Variants in TMEM63C observed in about 807,000 individuals in gnomAD.
TMEM63C encodes transmembrane protein 63C, also known as osmosensitive cation channel TMEM63C.
In TMEM63C, 32 loss-of-function variants were observed where a neutral mutation model predicts 99.2. That is an observed-to-expected ratio of 0.32 (90% CI 0.24 to 0.43). The LOEUF is 0.43. TMEM63C is among the 20% of genes least tolerant of loss of function. TMEM63C has a pLI of 1.00. For missense variants in TMEM63C, 826 were observed against 1,053.0 expected (o/e 0.78, Z 2.98); for synonymous variants, 376 against 397.9 (o/e 0.94, Z 0.66).
At chr14:77,251,372 C>G (rs1225885169) in intron 21 of TMEM63C, among the ~76,000 whole-genome samples, 1 of 152,168 alleles carries the variant, frequency 6.6e-6, no homozygotes, top group African/African-American at 2.4e-5. Flanking sequence ...TCTAGATTCC[C>G]TCTCTGTGCC....
At chr14:77,219,297 C>T (rs1888647738) in intron 3 of TMEM63C, among the ~76,000 whole-genome samples, 1 of 152,184 alleles carries the variant, frequency 6.6e-6, no homozygotes, top group African/African-American at 2.4e-5. Context: ...TCTGAGCATC[C>T]ACTCTGTGCC....
intron 1 of TMEM63C, among the ~76,000 whole-genome samples, chr14:77,201,847 G>A (rs1022079416): frequency 6.6e-6 from 1 of 152,344 alleles, no homozygotes; most frequent in Admixed American, 6.5e-5. Flanking sequence ...CCTGGGGCTG[G>A]GCCCCCAGGA....
chr14:77,194,497 C>G (rs1888172891), intron 1 of TMEM63C, among the ~76,000 whole-genome samples: 1 of 114,684 alleles, frequency 8.7e-6, no homozygotes, highest in Non-Finnish European at 1.8e-5. Flanking sequence ...TTTCTTTTTT[C>G]TTTCTTTCTT....
At chr14:77,195,989 G>C (rs558362633) in intron 1 of TMEM63C, 409 of 153,778 alleles carry the variant, frequency 2.7e-3, no homozygotes, top group Non-Finnish European at 4.5e-3. Context: ...CCTGGGCTTG[G>C]GAAGGAGCTG....
Position 77,231,546 on chromosome 14 carries a change from G to A in TMEM63C, c.351-42G>A, listed in dbSNP as rs375355322. On this transcript the variant is annotated intron_variant, in intron 6 of 23. Coordinates refer to ENST00000298351, the MANE Select transcript of TMEM63C (RefSeq NM_020431.4). ...CCTCCCCGCAACAAGTGGTGGCCAC[G>A]CTGGCTCCTGAGGCACGTCCTTGTC... 3.6e-5 allele frequency: 55 copies of A among 1,547,702 alleles called. No homozygotes were observed. The African/African-American group carries it at 4.4e-4, about 12-fold the overall frequency.
At chr14:77,191,525 C>CT (rs1888106433) in intron 1 of TMEM63C, among the ~76,000 whole-genome samples, 2 of 112,924 alleles carry the variant, frequency 1.8e-5, no homozygotes, top group African/African-American at 3.2e-5. Context: ...TCTTTCTTTT[C>CT]TTTTTTCTTT....
chr14:77,210,639 C>A (rs2540901), intron 1 of TMEM63C, among the ~76,000 whole-genome samples: 9,781 of 151,946 alleles, frequency 0.064, 393 homozygotes, highest in Admixed American at 0.098. Flanking sequence ...GGGGTCCCTC[C>A]GTGAGAAGGG....
intron 20 of TMEM63C, 137 bp downstream of exon 20, chr14:77,249,009 G>T: frequency 1.2e-6 from 1 of 863,844 alleles, no homozygotes; most frequent in Non-Finnish European, 1.9e-6. Flanking sequence ...GGGCCAAGCT[G>T]GGGGTACAGG....
chr14:77,253,358 C>T lies in TMEM63C; in HGVS notation c.2202C>T (p.Ser734=), dbSNP rs773493842. The T allele has an allele frequency of 1.2e-6, 2 of 1,612,262 alleles. No individual in the cohort carries two copies. The highest frequency in any genetic ancestry group is 1.7e-6 in the Non-Finnish European group (2 of 1,179,360). ...TTGACATGGAGCCAAGCAGCACCTC[C>T]TCCACGCCCACCTCCCTCGTGAGTC... ...TVFDMEPSST[S]STPTSLLYVA... The change falls in exon 23 of 24, where the codon TCC becomes TCT. Residue 734 remains serine, a synonymous_variant. Coordinates refer to ENST00000298351, the MANE Select transcript of TMEM63C (RefSeq NM_020431.4).
In TMEM63C at chr14:77,251,876, T is replaced by C; in HGVS notation, c.2126T>C (p.Leu709Pro). ...TTTGTTGGCATTTTTCTGGGGAAGC[T>C]TCGGATGGTTGCCGACTACGAGGTG... The part of the protein sequence containing the change: ...IAFVGIFLGK[L>P]RMVADYEPEE... The change falls in exon 22 of 24, where the codon CTT (leucine) becomes CCT (proline). Residue 709 changes from leucine to proline, a missense_variant. Coordinates refer to ENST00000298351, the MANE Select transcript of TMEM63C (RefSeq NM_020431.4). 1 of 1,613,962 alleles carries C rather than the reference T, an allele frequency of 6.2e-7. No individual in the cohort carries two copies. Among genetic ancestry groups the C allele is most frequent in the Non-Finnish European group, 8.5e-7 (1 of 1,179,822 alleles).
chr14:77,257,786 C>A lies in TMEM63C; in HGVS notation c.*1060C>A. The A allele has an allele frequency of 6.6e-6, 1 of 152,594 alleles. No homozygotes were observed. Among genetic ancestry groups the A allele is most frequent in the Non-Finnish European group, 1.5e-5 (1 of 68,248 alleles). 9.5% of individuals were successfully genotyped at this position (152,594 alleles called of 1,614,324 possible). On this transcript the variant is annotated 3_prime_UTR_variant, in exon 24 of 24. Coordinates refer to ENST00000298351, the MANE Select transcript of TMEM63C (RefSeq NM_020431.4). Reference sequence around the variant, plus strand: ...CACCTGCGTCCCAAGTAGGACCCTTCCTCCCTTCTCGGGGCTGCCCCTGCA... The same window carrying A: ...CACCTGCGTCCCAAGTAGGACCCTTACTCCCTTCTCGGGGCTGCCCCTGCA...
intron 1 of TMEM63C, among the ~76,000 whole-genome samples, chr14:77,206,403 G>C (rs541910831): frequency 2.5e-4 from 38 of 152,350 alleles, no homozygotes; most frequent in African/African-American, 8.9e-4. Context: ...GGGTGGAGCA[G>C]GGAGGGAGGC....
At chr14:77,185,262 C>T (rs1887976984) in intron 1 of TMEM63C, among the ~76,000 whole-genome samples, 1 of 152,164 alleles carries the variant, frequency 6.6e-6, no homozygotes, top group African/African-American at 2.4e-5. Context: ...TCATGCCCAG[C>T]CCTGTGCCTG....
intron 5 of TMEM63C, among the ~76,000 whole-genome samples, chr14:77,220,887 G>A (rs141755835): frequency 0.38 from 8,970 of 23,846 alleles, 1,642 homozygotes; most frequent in Middle Eastern, 0.54. Context: ...CTCACGCCCC[G>A]CCTCCCACTC....
intron 8 of TMEM63C, among the ~76,000 whole-genome samples, chr14:77,235,501 A>ACCG (rs746871566): frequency 0.93 from 2,375 of 2,542 alleles, 1,155 homozygotes; most frequent in Admixed American, 0.96. Flanking sequence ...GGAGACTGTG[A>ACCG]TGGGTGGCGG....
Position 77,238,775 on chromosome 14 carries a change from G to C in TMEM63C, c.725+8G>C. On this transcript the variant is annotated splice_region_variant and intron_variant, in intron 10 of 23. Transcript: ENST00000298351. ...CATCATTAAGCATTTTCAGTAAGTG[G>C]GTTGGGGTAGGCCAAGGCGTGGATT... is the stretch of plus-strand genomic sequence containing the variant. The C allele has an allele frequency of 1.9e-6, 3 of 1,612,528 alleles. No homozygotes were observed. The highest frequency in any genetic ancestry group is 2.5e-6 in the Non-Finnish European group (3 of 1,178,578).
chr14:77,256,620 C>T lies in TMEM63C; in HGVS notation c.2315C>T (p.Pro772Leu), dbSNP rs199845918. 6.0e-5 allele frequency: 97 copies of T among 1,613,852 alleles called. No individual in the cohort carries two copies. Among genetic ancestry groups the T allele is most frequent in the Non-Finnish European group, 7.9e-5 (93 of 1,179,868 alleles). The change falls in exon 24 of 24, where the codon CCG (proline) becomes CTG (leucine). Residue 772 changes from proline to leucine, a missense_variant. Coordinates refer to ENST00000298351, the MANE Select transcript of TMEM63C (RefSeq NM_020431.4). ...RHTYGTMNNQPEEGEEESGLR... is the reference protein window; with the variant it reads ...RHTYGTMNNQLEEGEEESGLR... Reference sequence around the variant, plus strand: ...ACCTATGGCACCATGAACAACCAGCCGGAAGAGGGAGAAGAAGAGAGTGGT... The same window carrying T: ...ACCTATGGCACCATGAACAACCAGCTGGAAGAGGGAGAAGAAGAGAGTGGT...
intron 2 of TMEM63C, among the ~76,000 whole-genome samples, chr14:77,217,206 C>G (rs898821205): frequency 2.6e-5 from 4 of 152,096 alleles, no homozygotes; most frequent in African/African-American, 9.7e-5. Context: ...CTTTGCCCTG[C>G]CCTGTGCAGC....
At chr14:77,227,707 G>A (rs1319744385) in intron 6 of TMEM63C, among the ~76,000 whole-genome samples, 2 of 152,246 alleles carry the variant, frequency 1.3e-5, no homozygotes, top group African/African-American at 4.8e-5. Context: ...CCCCTCTAGG[G>A]TGGGGCGACC....
Sources: gnomAD v4.1 joint callset for allele counts (sites outside exome capture counted in the v4.1 genomes callset) on GRCh38, gnomAD v4.1.1 for gene constraint, MANE v1.5 for transcripts, NCBI Gene and HGNC (gene_info 2026-07-23, HGNC 2026-07-21) for gene names.